The following RANBP2 variants were observed in gnomAD, a reference collection of about 807,000 sequenced individuals.
RANBP2 encodes the protein E3 SUMO-protein ligase RanBP2.
In RANBP2, 57 loss-of-function variants were observed where a neutral mutation model predicts 303.6. The observed-to-expected ratio is 0.19, with a 90% confidence interval of 0.15 to 0.23. The LOEUF (loss-of-function observed/expected upper bound fraction) is 0.23. Ranked by LOEUF, RANBP2 falls within the 10% of genes least tolerant of loss-of-function variation. RANBP2 has a pLI of 1.00. For synonymous variants in RANBP2, 1,167 were observed against 1,301.5 expected, an observed-to-expected ratio of 0.90 and a Z score of 2.23; for missense variants, 3,138 against 3,780.8, an observed-to-expected ratio of 0.83 and a Z score of 4.46.
chr2:109,038,580 GA>G, the RANBP2 span, among the ~76,000 whole-genome samples: 5 of 152,078 alleles, frequency 3.3e-5, no homozygotes, highest in East Asian at 9.6e-4. Context: ...ACCTTATGAA[GA>G]AGACCTAAAG....
At chr2:109,249,536 C>CTTTCTTTCT in the RANBP2 span, among the ~76,000 whole-genome samples, 314 of 74,030 alleles carry the variant, frequency 4.2e-3, 1 homozygote, top group Middle Eastern at 6.3e-3. Context: ...TCTTTCTTTC[C>CTTTCTTTCT]TTCCTTCCTT....
chr2:109,607,297 C>A, the RANBP2 span, among the ~76,000 whole-genome samples: 1 of 152,064 alleles, frequency 6.6e-6, no homozygotes, highest in Non-Finnish European at 1.5e-5. Context: ...TTGAATGCCT[C>A]ATTTAACTTA....
intron 2 of RANBP2, among the ~76,000 whole-genome samples, chr2:108,729,968 C>G (rs939328952): frequency 6.6e-6 from 1 of 151,988 alleles, no homozygotes; most frequent in Non-Finnish European, 1.5e-5. Context: ...GTCTGCCTGC[C>G]TCGGCCTCCC....
the RANBP2 span, among the ~76,000 whole-genome samples, chr2:109,674,062 G>A: frequency 6.6e-6 from 1 of 151,992 alleles, no homozygotes; most frequent in Non-Finnish European, 1.5e-5. Context: ...TACTGGGTAG[G>A]TTCACCTTTT....
chr2:109,138,677 C>T, the RANBP2 span, among the ~76,000 whole-genome samples: 1 of 152,320 alleles, frequency 6.6e-6, no homozygotes, highest in Admixed American at 6.5e-5. Context: ...CACACCCTGC[C>T]TGCAGACTGC....
At chr2:109,319,122 C>T in the RANBP2 span, among the ~76,000 whole-genome samples, 1 of 152,168 alleles carries the variant, frequency 6.6e-6, no homozygotes, top group Non-Finnish European at 1.5e-5. Context: ...AGAAGAGGCA[C>T]TCCCATCTCT....
At chr2:108,787,283 A>G (rs1207561593), downstream of RANBP2, among the ~76,000 whole-genome samples, 1 of 152,200 alleles carries the variant, frequency 6.6e-6, no homozygotes, top group African/African-American at 2.4e-5. Flanking sequence ...TTGCTGCAGT[A>G]TTACCAAGAA....
chr2:108,826,961 T>A, the RANBP2 span, among the ~76,000 whole-genome samples: 4 of 152,238 alleles, frequency 2.6e-5, no homozygotes, highest in Non-Finnish European at 5.9e-5. Flanking sequence ...GTACTTATTT[T>A]GAAAAGTTAG....
the RANBP2 span, chr2:109,614,591 G>T: frequency 1.4e-6 from 2 of 1,424,082 alleles, no homozygotes; most frequent in Non-Finnish European, 1.8e-6. Context: ...ACGCCGAGCT[G>T]GTGCAGCACT....
At chr2:108,904,378 CAAT>C in the RANBP2 span, among the ~76,000 whole-genome samples, 1 of 152,138 alleles carries the variant, frequency 6.6e-6, no homozygotes, top group African/African-American at 2.4e-5. Flanking sequence ...TAAAATGGTA[CAAT>C]AACTTTAGAA....
the RANBP2 span, among the ~76,000 whole-genome samples, chr2:109,567,557 T>C: frequency 6.6e-6 from 1 of 152,322 alleles, no homozygotes; most frequent in East Asian, 1.9e-4. Context: ...ACAAAAGGTA[T>C]ATCCCAGTCT....
chr2:109,112,717 G>A, the RANBP2 span, among the ~76,000 whole-genome samples: 1 of 152,172 alleles, frequency 6.6e-6, no homozygotes, highest in Non-Finnish European at 1.5e-5. Flanking sequence ...CCATGCCTAT[G>A]TCCTGAGTGG....
At chr2:109,073,431 G>A in the RANBP2 span, among the ~76,000 whole-genome samples, 1 of 152,156 alleles carries the variant, frequency 6.6e-6, no homozygotes, top group Middle Eastern at 3.2e-3. Flanking sequence ...CACTTTGGGA[G>A]GCTGAGGTGG....
the RANBP2 span, among the ~76,000 whole-genome samples, chr2:109,069,044 G>A: frequency 2.0e-5 from 3 of 152,328 alleles, no homozygotes. Context: ...AAAGGAGCAG[G>A]TGGCCTTTAA....
At chr2:109,688,391 C>G in the RANBP2 span, among the ~76,000 whole-genome samples, 6,850 of 152,260 alleles carry the variant, frequency 0.045, 436 homozygotes, top group East Asian at 0.13. Context: ...TGGGCACACT[C>G]TCAGGAGCGC....
intron 7 of RANBP2, among the ~76,000 whole-genome samples, chr2:108,746,058 C>T (rs1696487451): frequency 6.6e-6 from 1 of 151,762 alleles, no homozygotes; most frequent in Middle Eastern, 3.4e-3. Flanking sequence ...AGGTGTGGGC[C>T]ACCATGCCTG....
the RANBP2 span, among the ~76,000 whole-genome samples, chr2:109,163,519 C>G: frequency 6.7e-6 from 1 of 148,408 alleles, no homozygotes; most frequent in Admixed American, 6.7e-5. Flanking sequence ...CTGCCTCAGC[C>G]TCCCAAGTAG....
chr2:109,201,369 C>A, the RANBP2 span, among the ~76,000 whole-genome samples: 1 of 152,236 alleles, frequency 6.6e-6, no homozygotes, highest in Non-Finnish European at 1.5e-5. Flanking sequence ...GGCTTTGGGC[C>A]TTGGCCCCTT....
At chr2:109,732,296 G>T in the RANBP2 span, among the ~76,000 whole-genome samples, 2 of 152,104 alleles carry the variant, frequency 1.3e-5, no homozygotes, top group Non-Finnish European at 2.9e-5. Flanking sequence ...GTTTATTGTG[G>T]AAAAATGTAC....
Sources: gnomAD v4.1 joint callset for allele counts (sites outside exome capture counted in the v4.1 genomes callset) on GRCh38, gnomAD v4.1.1 for gene constraint, MANE v1.5 for transcripts, NCBI Gene and HGNC (gene_info 2026-07-23, HGNC 2026-07-21) for gene names.